WWOX: variants seen among roughly 807,000 people sequenced by gnomAD.
WWOX encodes WW domain-containing oxidoreductase.
Under a neutral mutation model 46.2 loss-of-function variants are expected in WWOX, and 69 were observed. The observed-to-expected ratio is 1.49, with a 90% CI of 1.23 to 1.82. The LOEUF (loss-of-function observed/expected upper bound fraction) is 1.82. WWOX is among the 40% of genes most tolerant of loss of function. WWOX has a pLI of 0.00. For missense variants in WWOX, 919 were observed against 542.6 expected, an observed-to-expected ratio of 1.69 and a Z score of -6.89; for synonymous variants, 359 against 202.6, an observed-to-expected ratio of 1.77 and a Z score of -6.56.
intron 8 of WWOX, among the ~76,000 whole-genome samples, chr16:78,500,531 A>T (rs2085035899): frequency 6.6e-6 from 1 of 151,952 alleles, no homozygotes; most frequent in Admixed American, 6.6e-5. Context: ...AAGCCATAGC[A>T]AGATGTGCCA....
chr16:78,663,168 C>T (rs1017974047), intron 8 of WWOX, among the ~76,000 whole-genome samples: 4 of 152,126 alleles, frequency 2.6e-5, no homozygotes, highest in African/African-American at 9.7e-5. Context: ...ATTTTATACC[C>T]CCGATCTCTT....
At chr16:78,611,714 T>C (rs1488858495) in intron 8 of WWOX, among the ~76,000 whole-genome samples, 2 of 152,258 alleles carry the variant, frequency 1.3e-5, no homozygotes, top group South Asian at 2.1e-4. Context: ...GCAACTCATA[T>C]ATTTCTCACT....
chr16:78,490,391 C>G (rs1353238593), intron 8 of WWOX, among the ~76,000 whole-genome samples: 1 of 152,162 alleles, frequency 6.6e-6, no homozygotes, highest in African/African-American at 2.4e-5. Flanking sequence ...TGTGTTTATG[C>G]AGTTACCTTT....
chr16:78,136,063 G>T lies in WWOX; in HGVS notation c.409+20909G>T, dbSNP rs551398624. Among the ~76,000 whole-genome samples, 12 of 152,128 alleles carry T rather than the reference G, an allele frequency of 7.9e-5. No individual in the cohort carries two copies. In the East Asian group the frequency reaches 2.3e-3, roughly 29 times the overall value. On this transcript the variant is annotated intron_variant, in intron 4 of 8. Coordinates refer to ENST00000566780, the MANE Select transcript of WWOX (RefSeq NM_016373.4). ...CTTATGGCTTTTTCATGTCCATTTT[G>T]ATGAATCTATTTATTACTTCTATAA...
At chr16:78,767,044 C>G (rs1567546019) in intron 8 of WWOX, among the ~76,000 whole-genome samples, 2 of 151,830 alleles carry the variant, frequency 1.3e-5, no homozygotes. Context: ...AAATTTCTTT[C>G]TTTCTTCCTC....
chr16:78,261,801 T>TCTAG (rs1567464773), intron 5 of WWOX, among the ~76,000 whole-genome samples: 1 of 123,280 alleles, frequency 8.1e-6, no homozygotes, highest in African/African-American at 3.1e-5. Flanking sequence ...TATATATATA[T>TCTAG]ATATATATAT....
chr16:78,319,904 C>T (rs9921686), intron 5 of WWOX, among the ~76,000 whole-genome samples: 12,372 of 152,188 alleles, frequency 0.081, 618 homozygotes, highest in Admixed American at 0.14. Context: ...TCCAGTTTTC[C>T]TGGCGAAATA....
chr16:78,184,827 C>T (rs2035645648), intron 5 of WWOX, among the ~76,000 whole-genome samples: 1 of 152,104 alleles, frequency 6.6e-6, no homozygotes, highest in African/African-American at 2.4e-5. Context: ...TGTACAGGAT[C>T]AACAATGGAA....
chr16:79,176,295 G>A (rs559439639), intron 8 of WWOX, among the ~76,000 whole-genome samples: 2 of 152,280 alleles, frequency 1.3e-5, no homozygotes, highest in East Asian at 3.9e-4. Context: ...CCACTTAGTG[G>A]TTCCATTCTC....
At position 78,601,338 on chromosome 16, in the gene WWOX, A is replaced by G. The variant is rs115822015; in HGVS notation, c.1056+168586A>G. Among the ~76,000 whole-genome samples the G allele has an allele frequency of 1.6e-3, 248 of 152,176 alleles. 1 individual carries two copies. The highest frequency in any genetic ancestry group is 5.8e-3 in the African/African-American group (240 of 41,518). On this transcript the variant is annotated intron_variant, in intron 8 of 8. Transcript: ENST00000566780. Reference sequence around the variant, plus strand: ...AAACTGTTGGAGACAGATTCTGGAGAGACACTCAGGCTTAGCTCTAGAAAG... The same window carrying G: ...AAACTGTTGGAGACAGATTCTGGAGGGACACTCAGGCTTAGCTCTAGAAAG...
chr16:79,069,377 A>G (rs1056027867), intron 8 of WWOX, among the ~76,000 whole-genome samples: 1 of 152,212 alleles, frequency 6.6e-6, no homozygotes. Flanking sequence ...AATTCAAAAC[A>G]GCTTTATTTC....
intron 8 of WWOX, among the ~76,000 whole-genome samples, chr16:78,640,372 C>G (rs1049698686): frequency 3.3e-5 from 5 of 151,670 alleles, no homozygotes; most frequent in Middle Eastern, 3.4e-3. Context: ...GTCGGCCGCT[C>G]TGAGCTAGAA....
intron 5 of WWOX, chr16:78,281,005 T>C (rs889045630): frequency 3.9e-5 from 6 of 152,338 alleles, no homozygotes; most frequent in Admixed American, 6.5e-5. Context: ...AGAACTATTA[T>C]ATTTTGTAAA....
At chr16:78,461,002 C>G (rs758507914) in intron 8 of WWOX, among the ~76,000 whole-genome samples, 4 of 152,158 alleles carry the variant, frequency 2.6e-5, no homozygotes, top group African/African-American at 9.7e-5. Flanking sequence ...TGCTACTGCA[C>G]AAGTTTCATA....
chr16:78,994,576 G>A (rs1402299480), intron 8 of WWOX, among the ~76,000 whole-genome samples: 8 of 152,160 alleles, frequency 5.3e-5, no homozygotes, highest in Non-Finnish European at 1.2e-4. Flanking sequence ...AGACCGAGGC[G>A]TTGCTTTGTG....
chr16:78,394,453 G>T (rs995944584), intron 6 of WWOX, among the ~76,000 whole-genome samples: 3 of 151,984 alleles, frequency 2.0e-5, no homozygotes, highest in African/African-American at 7.3e-5. Context: ...AGTGTATCTA[G>T]AAACATCAGG....
At chr16:78,366,117 T>C (rs2081530631) in intron 5 of WWOX, among the ~76,000 whole-genome samples, 1 of 152,186 alleles carries the variant, frequency 6.6e-6, no homozygotes, top group Admixed American at 6.5e-5. Context: ...TTGGGAAATG[T>C]CTAGAAACCC....
At chr16:78,599,901 C>T (rs1281854287) in intron 8 of WWOX, among the ~76,000 whole-genome samples, 1 of 152,066 alleles carries the variant, frequency 6.6e-6, no homozygotes, top group Admixed American at 6.5e-5. Context: ...TTCTAGGACT[C>T]AAAGATGCCG....
In WWOX at chr16:78,379,414, G is replaced by A. The variant is rs151166655; in HGVS notation, c.517-7446G>A. Among the ~76,000 whole-genome samples the A allele has an allele frequency of 4.9e-3, 746 of 152,202 alleles. 4 individuals carry two copies. The highest frequency in any genetic ancestry group is 7.4e-3 in the Non-Finnish European group (504 of 68,006). On this transcript the variant is annotated intron_variant, in intron 5 of 8. Coordinates refer to ENST00000566780, the MANE Select transcript of WWOX (RefSeq NM_016373.4). Reference sequence around the variant, plus strand: ...TTCCTCCAGATACAATGGAGGCCACGTTCAACACAGCCATCTAGTGTACCT... The same window carrying A: ...TTCCTCCAGATACAATGGAGGCCACATTCAACACAGCCATCTAGTGTACCT...
Sources: allele counts gnomAD v4.1 joint callset (sites outside exome capture counted in the v4.1 genomes callset), GRCh38; gene constraint gnomAD v4.1.1; transcripts MANE v1.5; gene names NCBI Gene and HGNC (gene_info 2026-07-23, HGNC 2026-07-21).